SPG11: variants seen among roughly 807,000 people sequenced by gnomAD.
SPG11 encodes the protein spatacsin.
SPG11 carries 222 observed loss-of-function variants against 274.0 expected under a neutral mutation model. That is an observed-to-expected ratio of 0.81 (90% confidence interval 0.73 to 0.91). The LOEUF is 0.91. Ranked by LOEUF, SPG11 falls within the 40% of genes least tolerant of loss-of-function variation. The pLI is 0.00. For synonymous variants in SPG11, 1,144 were observed against 1,039.7 expected (o/e 1.10, Z -1.93); for missense variants, 3,114 against 2,872.7 (o/e 1.08, Z -1.92).
intron 28 of SPG11, among the ~76,000 whole-genome samples, chr15:44,586,497 C>A (rs938548090): frequency 6.6e-6 from 1 of 151,808 alleles, no homozygotes. Flanking sequence ...CAAAAATTAG[C>A]CAGGCGTGTG....
chr15:44,622,479 C>T, intron 12 of SPG11, 132 bp from the exon 13 acceptor site: 1 of 817,032 alleles, frequency 1.2e-6, no homozygotes, highest in Non-Finnish European at 1.9e-6. Flanking sequence ...GATAATATGC[C>T]ATTCAAGAAT....
Position 44,622,887 on chromosome 15 carries a change from T to A in SPG11, c.2245-88A>T, listed in dbSNP as rs75739437. 165 of 893,834 alleles carry A rather than the reference T, an allele frequency of 1.8e-4. 2 individuals carry two copies. In the African/African-American group the frequency reaches 2.4e-3, roughly 13 times the overall value. The allele number at this position is 893,834 out of a possible 1,614,324, so 55.4% of individuals were successfully genotyped here. A position where few individuals can be genotyped will look rare whatever the true frequency, so the allele number is the denominator to read the frequency against. On this transcript the variant is annotated intron_variant, in intron 11 of 39. Transcript: ENST00000261866. ...ATATGTGTTAGATACAGAAACACCC[T>A]ATTATAAACATCTATCTTGTTAGAA...
At chr15:44,631,094 C>G (rs964827147) in intron 8 of SPG11, among the ~76,000 whole-genome samples, 15 of 152,108 alleles carry the variant, frequency 9.9e-5, no homozygotes, top group African/African-American at 3.6e-4. Context: ...TGTGCATACT[C>G]TTAAACCTGG....
intron 9 of SPG11, 35 bp from the exon 10 acceptor site, chr15:44,628,879 T>A: frequency 6.3e-7 from 1 of 1,577,720 alleles, no homozygotes; most frequent in Non-Finnish European, 8.7e-7. Flanking sequence ...TTTGTGTGTG[T>A]GTGTGTAAAT....
intron 16 of SPG11, among the ~76,000 whole-genome samples, chr15:44,615,047 A>T (rs2083558530): frequency 6.6e-6 from 1 of 152,202 alleles, no homozygotes. Context: ...GTATCAAAGA[A>T]AACTCCAAGT....
intron 20 of SPG11, among the ~76,000 whole-genome samples, chr15:44,604,924 C>A (rs1279225372): frequency 8.6e-6 from 1 of 115,930 alleles, no homozygotes; most frequent in Non-Finnish European, 1.7e-5. Flanking sequence ...GAACAAGACT[C>A]CATCTCCAAA....
intron 15 of SPG11, among the ~76,000 whole-genome samples, chr15:44,617,030 C>A (rs185073423): frequency 7.2e-5 from 11 of 152,216 alleles, no homozygotes; most frequent in African/African-American, 2.7e-4. Flanking sequence ...CTCTACTCTG[C>A]GTCACCCTAC....
chr15:44,598,864 T>C, intron 21 of SPG11, 28 bp from the exon 22 acceptor site: 1 of 1,602,568 alleles, frequency 6.2e-7, no homozygotes, highest in Non-Finnish European at 8.5e-7. Flanking sequence ...CAAAATCACA[T>C]CAGCACATGA....
At chr15:44,605,822 A>C (rs2083304066) in intron 20 of SPG11, among the ~76,000 whole-genome samples, 2 of 152,244 alleles carry the variant, frequency 1.3e-5, no homozygotes, top group Non-Finnish European at 2.9e-5. Context: ...ATTTCTCAGC[A>C]AGTACAGCAC....
chr15:44,577,173 T>TACAC (rs980791203), intron 30 of SPG11, among the ~76,000 whole-genome samples: 5 of 152,156 alleles, frequency 3.3e-5, no homozygotes, highest in African/African-American at 1.2e-4. Context: ...TGTGATTTGC[T>TACAC]ACACTAAGCA....
intron 29 of SPG11, among the ~76,000 whole-genome samples, chr15:44,585,430 C>CAAAA (rs67858533): frequency 1.1e-4 from 11 of 97,252 alleles, no homozygotes; most frequent in South Asian, 3.6e-4. Context: ...ACTAAAAATA[C>CAAAA]AAAAAAAAAA....
intron 27 of SPG11, chr15:44,590,433 T>G (rs2082874717): frequency 6.7e-6 from 1 of 148,392 alleles, no homozygotes; most frequent in Non-Finnish European, 1.5e-5. Flanking sequence ...GCTGCTGCTG[T>G]TTTTTTTTCT....
At chr15:44,566,181 G>C (rs536640146) in intron 37 of SPG11, 36 bp downstream of exon 37, 4 of 1,609,840 alleles carry the variant, frequency 2.5e-6, no homozygotes, top group Non-Finnish European at 3.4e-6. Context: ...CAGACAGCAA[G>C]TCCCAAGGCC....
At chr15:44,600,298 T>G in intron 21 of SPG11, 169 bp downstream of exon 21, 1 of 652,310 alleles carries the variant, frequency 1.5e-6, no homozygotes, top group Non-Finnish European at 2.7e-6. Context: ...TTACTTTTTT[T>G]GTTTTAGTGG....
chr15:44,572,591 A>G, intron 33 of SPG11, 92 bp downstream of exon 33: 1 of 1,367,588 alleles, frequency 7.3e-7, no homozygotes, highest in Non-Finnish European at 1.0e-6. Context: ...CCAGAGCAGG[A>G]ACAGGGACCC....
rs1331933416 is a variant in SPG11 at position 44,596,799 on chromosome 15, G to A, written c.4146C>T (p.Asn1382=). ...LQFIIHSQLH[N]YHPAEVKSLI... is the part of the protein sequence containing the mutation. ...AGTGGCTTACCTCTGCTGGGTGGTA[G>A]TTGTGGAGTTGGCTGTGAATAATGA... The change falls in exon 24 of 40, where the codon AAC becomes AAT. Residue 1382 remains asparagine, a synonymous_variant. Coordinates refer to ENST00000261866, the MANE Select transcript of SPG11 (RefSeq NM_025137.4). 1 of 1,609,752 alleles carries A rather than the reference G, an allele frequency of 6.2e-7. No homozygotes were observed. The highest frequency in any genetic ancestry group is 2.2e-5 in the East Asian group (1 of 44,574).
chr15:44,618,699 A>G (rs2083658396), intron 15 of SPG11, among the ~76,000 whole-genome samples: 1 of 151,952 alleles, frequency 6.6e-6, no homozygotes, highest in Admixed American at 6.6e-5. Flanking sequence ...GGGTGCCTGT[A>G]GTCCCAGCTA....
At position 44,651,490 on chromosome 15, in the gene SPG11, C is replaced by T; in HGVS notation, c.1456+1G>A. On this transcript the variant is annotated splice_donor_variant, in intron 6 of 39. Transcript: ENST00000261866. LOFTEE classifies it high-confidence loss of function. Reference sequence around the variant, plus strand: ...TTCAATCTAATACAAGACAGTCTCACCTGTCAAAACAAAGCACAGCTGCTG... The same window carrying T: ...TTCAATCTAATACAAGACAGTCTCATCTGTCAAAACAAAGCACAGCTGCTG... 2 of 1,612,700 alleles carry T rather than the reference C, an allele frequency of 1.2e-6. No individual in the cohort carries two copies. Among genetic ancestry groups the T allele is most frequent in the Non-Finnish European group, 1.7e-6 (2 of 1,178,762 alleles).
At chr15:44,571,471 G>T (rs191799547) in intron 33 of SPG11, among the ~76,000 whole-genome samples, 405 of 151,888 alleles carry the variant, frequency 2.7e-3, no homozygotes, top group Admixed American at 7.9e-3. Context: ...AGATAGAGAA[G>T]GCTATTTTTA....
Sources: allele counts gnomAD v4.1 joint callset (sites outside exome capture counted in the v4.1 genomes callset), GRCh38; gene constraint gnomAD v4.1.1; transcripts MANE v1.5; gene names NCBI Gene and HGNC (gene_info 2026-07-23, HGNC 2026-07-21).